ERC2: variants seen among roughly 807,000 people sequenced by gnomAD.
The protein encoded by ERC2 is ERC protein 2.
A neutral mutation model predicts 114.8 loss-of-function variants in ERC2; 42 were observed. The observed-to-expected ratio is 0.37, with a 90% CI of 0.29 to 0.47. The LOEUF is 0.47. ERC2 is among the 20% of genes least tolerant of loss of function. The pLI is 0.99. For synonymous variants in ERC2, 454 were observed against 425.5 expected (o/e 1.07, Z -0.82); for missense variants, 939 against 1,150.7 (o/e 0.82, Z 2.66).
chr3:56,029,650 T>C (rs1054652435), intron 7 of ERC2, among the ~76,000 whole-genome samples: 4 of 152,142 alleles, frequency 2.6e-5, no homozygotes, highest in African/African-American at 9.6e-5. Flanking sequence ...AGGTTGCTAA[T>C]AGCTACAGGA....
intron 7 of ERC2, among the ~76,000 whole-genome samples, chr3:56,036,651 A>C (rs575682969): frequency 1.3e-5 from 2 of 152,160 alleles, no homozygotes; most frequent in Non-Finnish European, 2.9e-5. Flanking sequence ...GTGACGGCCC[A>C]CTGGGAGCTG....
At chr3:55,803,432 T>C (rs983961961) in intron 14 of ERC2, among the ~76,000 whole-genome samples, 3 of 151,488 alleles carry the variant, frequency 2.0e-5, no homozygotes, top group African/African-American at 2.4e-5. Flanking sequence ...GCTAGACTTC[T>C]AAAACATAAA....
intron 7 of ERC2, among the ~76,000 whole-genome samples, chr3:56,038,144 C>T (rs991749860): frequency 3.9e-5 from 6 of 152,140 alleles, no homozygotes; most frequent in African/African-American, 1.4e-4. Flanking sequence ...AGCAAACAGA[C>T]AACCTAAAGA....
intron 15 of ERC2, among the ~76,000 whole-genome samples, chr3:55,719,300 C>A (rs2064308367): frequency 6.6e-6 from 1 of 152,122 alleles, no homozygotes; most frequent in Admixed American, 6.5e-5. Context: ...AAAAAGGTTT[C>A]TTTACACAGG....
intron 13 of ERC2, among the ~76,000 whole-genome samples, chr3:55,894,017 CACTT>C (rs1211768136): frequency 2.0e-5 from 3 of 152,140 alleles, no homozygotes; most frequent in African/African-American, 7.2e-5. Context: ...AATATGAAAA[CACTT>C]AGTATATTCT....
At chr3:55,952,167 ACACACACACACACTCTCT>A (rs1288156900) in intron 12 of ERC2, among the ~76,000 whole-genome samples, 6 of 68,474 alleles carry the variant, frequency 8.8e-5, no homozygotes, top group African/African-American at 3.0e-4. Context: ...ACACACACAC[ACACACACACACACTCTCT>A]CTCTCTCTCT....
intron 7 of ERC2, among the ~76,000 whole-genome samples, chr3:56,023,760 A>T (rs1208269712): frequency 6.6e-6 from 1 of 150,524 alleles, no homozygotes; most frequent in African/African-American, 2.5e-5. Flanking sequence ...TTACTGAATG[A>T]ATGAAAAAAG....
chr3:56,409,752 C>T lies in ERC2; in HGVS notation c.657+24599G>A, dbSNP rs546234993. Among the ~76,000 whole-genome samples, 26 of 152,342 alleles carry T rather than the reference C, an allele frequency of 1.7e-4. 1 individual carries two copies. Among genetic ancestry groups the T allele is most frequent in the Admixed American group, 4.6e-4 (7 of 15,296 alleles). ...AGTGACCCCGTGTATCTTCAACTCC[C>T]TGACCCCCAGCTATACCTTGGTTCC... On this transcript the variant is annotated intron_variant, in intron 2 of 17. Coordinates refer to ENST00000288221, the MANE Select transcript of ERC2 (RefSeq NM_015576.3).
intron 16 of ERC2, among the ~76,000 whole-genome samples, chr3:55,690,902 A>G (rs998134655): frequency 7.2e-5 from 11 of 152,144 alleles, no homozygotes; most frequent in African/African-American, 2.7e-4. Flanking sequence ...CAGCTTCCCA[A>G]CTGCTGCGTA....
At chr3:56,019,149 C>T (rs2073530011) in intron 7 of ERC2, 118 bp from the exon 8 acceptor site, 1 of 791,204 alleles carries the variant, frequency 1.3e-6, no homozygotes, top group Non-Finnish European at 2.0e-6. Context: ...TAGAAATTGT[C>T]AGTAGCTTTG....
At chr3:56,370,648 G>A (rs563425537) in intron 2 of ERC2, among the ~76,000 whole-genome samples, 3 of 141,892 alleles carry the variant, frequency 2.1e-5, no homozygotes, top group African/African-American at 7.9e-5. Context: ...AGGCTGTAGT[G>A]CAGTGGCGTG....
chr3:56,339,482 G>C (rs914273951), intron 2 of ERC2, among the ~76,000 whole-genome samples: 1 of 152,110 alleles, frequency 6.6e-6, no homozygotes, highest in Non-Finnish European at 1.5e-5. Flanking sequence ...AGAAGCCAGG[G>C]AGACTGGTCA....
At chr3:55,838,199 A>T (rs953832929) in intron 14 of ERC2, among the ~76,000 whole-genome samples, 4 of 152,098 alleles carry the variant, frequency 2.6e-5, no homozygotes, top group African/African-American at 9.7e-5. Context: ...TGCATTATTA[A>T]CCACTTTGAC....
At chr3:56,429,809 C>CACCT (rs1278367625) in intron 2 of ERC2, among the ~76,000 whole-genome samples, 1 of 152,112 alleles carries the variant, frequency 6.6e-6, no homozygotes, top group Non-Finnish European at 1.5e-5. Flanking sequence ...TGGTCACGGC[C>CACCT]ACCTACTCAT....
At chr3:56,221,302 T>C (rs1351357543) in intron 3 of ERC2, among the ~76,000 whole-genome samples, 1 of 151,686 alleles carries the variant, frequency 6.6e-6, no homozygotes. Flanking sequence ...TCTGCAAAAC[T>C]GGGAATTGAA....
chr3:56,126,139 T>G (rs528545086), intron 6 of ERC2, among the ~76,000 whole-genome samples: 1 of 152,334 alleles, frequency 6.6e-6, no homozygotes, highest in East Asian at 1.9e-4. Flanking sequence ...ATAAATATTT[T>G]AGTATAATCT....
intron 4 of ERC2, among the ~76,000 whole-genome samples, chr3:56,168,313 C>T (rs2082432722): frequency 6.6e-6 from 1 of 152,100 alleles, no homozygotes; most frequent in African/African-American, 2.4e-5. Flanking sequence ...CAGGTGACAT[C>T]GTTGTTGTTA....
intron 15 of ERC2, among the ~76,000 whole-genome samples, chr3:55,703,630 G>C (rs774510740): frequency 2.0e-5 from 3 of 152,192 alleles, no homozygotes; most frequent in Non-Finnish European, 4.4e-5. Flanking sequence ...TCTCCATCTA[G>C]TGCAGAGTCT....
At position 55,510,740 on chromosome 3, in the gene ERC2, G is replaced by A. The variant is rs968411878; in HGVS notation, c.*576C>T. 2.9e-4 allele frequency: 44 copies of A among 152,228 alleles called. No individual in the cohort carries two copies. The highest frequency in any genetic ancestry group is 3.2e-3 in the Middle Eastern group (1 of 316). 9.4% of individuals were successfully genotyped at this position (152,228 alleles called of 1,614,324 possible). ...AATTTTTGGTGTTTTTTGTTTCTTC[G>A]TCAAACACTCCATGCATCATGGTAT... On this transcript the variant is annotated 3_prime_UTR_variant, in exon 18 of 18. Transcript: ENST00000288221.
Sources: gnomAD v4.1 joint callset for allele counts (sites outside exome capture counted in the v4.1 genomes callset) on GRCh38, gnomAD v4.1.1 for gene constraint, MANE v1.5 for transcripts, NCBI Gene and HGNC (gene_info 2026-07-23, HGNC 2026-07-21) for gene names.